The following LDB2 variants were observed in gnomAD, a reference collection of about 807,000 sequenced individuals.
LDB2 encodes the protein LIM domain-binding protein 2.
Under a neutral mutation model 44.3 loss-of-function variants are expected in LDB2, and 12 were observed. The ratio of observed to expected loss-of-function variants is 0.27; its 90% confidence interval spans 0.17 to 0.44. The LOEUF is 0.44. Among genes scored for constraint, LDB2 ranks in the 20% least tolerant of loss-of-function variants. LDB2 has a pLI of 1.00. For synonymous variants in LDB2, 164 were observed against 174.8 expected (o/e 0.94, Z 0.49); for missense variants, 344 against 473.5 (o/e 0.73, Z 2.54).
intron 2 of LDB2, among the ~76,000 whole-genome samples, chr4:16,645,147 A>G (rs924983827): frequency 1.3e-5 from 2 of 152,254 alleles, no homozygotes; most frequent in African/African-American, 4.8e-5. Context: ...TAGGCAAAAG[A>G]TCAAGTCCCG....
chr4:16,891,526 T>C (rs983632919), intron 1 of LDB2, among the ~76,000 whole-genome samples: 1 of 152,142 alleles, frequency 6.6e-6, no homozygotes, highest in Admixed American at 6.5e-5. Flanking sequence ...TTGATCAGGC[T>C]GGTCTTGAAC....
At chr4:16,800,195 A>G (rs1777534378) in intron 1 of LDB2, among the ~76,000 whole-genome samples, 1 of 152,214 alleles carries the variant, frequency 6.6e-6, no homozygotes, top group African/African-American at 2.4e-5. Flanking sequence ...AAAAAGATTC[A>G]AGGGTGTCCT....
At chr4:16,762,714 C>A (rs1339036799) in intron 1 of LDB2, among the ~76,000 whole-genome samples, 1 of 152,128 alleles carries the variant, frequency 6.6e-6, no homozygotes, top group Non-Finnish European at 1.5e-5. Flanking sequence ...GGGGACACAG[C>A]CAAACCATAT....
At chr4:16,659,226 T>G (rs1280506127) in intron 2 of LDB2, among the ~76,000 whole-genome samples, 1 of 152,190 alleles carries the variant, frequency 6.6e-6, no homozygotes, top group African/African-American at 2.4e-5. Flanking sequence ...GAGATGTACT[T>G]GGCAGCTTGA....
At chr4:16,604,270 A>G (rs1268641903) in intron 2 of LDB2, among the ~76,000 whole-genome samples, 1 of 152,136 alleles carries the variant, frequency 6.6e-6, no homozygotes, top group Admixed American at 6.5e-5. Context: ...TAAAACTTGT[A>G]TTTCTATTTG....
intron 5 of LDB2, among the ~76,000 whole-genome samples, chr4:16,514,885 A>ACTC (rs1208571779): frequency 6.6e-6 from 1 of 152,066 alleles, no homozygotes; most frequent in Non-Finnish European, 1.5e-5. Flanking sequence ...CATTATGAAG[A>ACTC]CTCTGTGTGC....
At chr4:16,565,102 A>G (rs1744017118) in intron 5 of LDB2, among the ~76,000 whole-genome samples, 1 of 152,224 alleles carries the variant, frequency 6.6e-6, no homozygotes, top group Admixed American at 6.5e-5. Flanking sequence ...CAAGAAATCT[A>G]TCATGACGAA....
intron 4 of LDB2, 23 bp from the exon 5 acceptor site, chr4:16,586,028 A>T (rs751405072): frequency 1.3e-6 from 2 of 1,582,964 alleles, no homozygotes; most frequent in South Asian, 1.1e-5. Flanking sequence ...AAAACCCCAC[A>T]TGTATTTTAT....
In LDB2 at chr4:16,546,602, A is replaced by G. The variant is rs144157609; in HGVS notation, c.616-34498T>C. ...TACAGCTTGCACATGGTATGACAGC[A>G]CTGGCCACCAGGGTCTTCAGCTCCT... On this transcript the variant is annotated intron_variant, in intron 5 of 7. Coordinates refer to ENST00000304523, the MANE Select transcript of LDB2 (RefSeq NM_001290.5). Among the ~76,000 whole-genome samples the G allele has an allele frequency of 2.0e-5, 3 of 152,322 alleles. No individual in the cohort carries two copies. The East Asian group carries it at 5.8e-4, about 29-fold the overall frequency.
chr4:16,543,796 C>A (rs1405653227), intron 5 of LDB2, among the ~76,000 whole-genome samples: 1 of 152,006 alleles, frequency 6.6e-6, no homozygotes, highest in Non-Finnish European at 1.5e-5. Context: ...TTCTGCACAG[C>A]AAAAGAAACT....
At chr4:16,850,308 A>G (rs185815127) in intron 1 of LDB2, among the ~76,000 whole-genome samples, 2 of 152,234 alleles carry the variant, frequency 1.3e-5, no homozygotes, top group Admixed American at 6.5e-5. Flanking sequence ...CCCACCACCT[A>G]TTAGCTGAAC....
chr4:16,549,937 C>T (rs1001180667), intron 5 of LDB2, among the ~76,000 whole-genome samples: 5 of 152,188 alleles, frequency 3.3e-5, no homozygotes, highest in Non-Finnish European at 7.4e-5. Context: ...AAGTGGTGTG[C>T]AAGTCACCTA....
intron 2 of LDB2, among the ~76,000 whole-genome samples, chr4:16,674,689 A>G (rs1745794066): frequency 6.6e-6 from 1 of 152,152 alleles, no homozygotes; most frequent in Non-Finnish European, 1.5e-5. Flanking sequence ...ATCAGTTGGG[A>G]TCTATGAATA....
chr4:16,570,394 C>T (rs1453284386), intron 5 of LDB2, among the ~76,000 whole-genome samples: 6 of 127,910 alleles, frequency 4.7e-5, no homozygotes, highest in Non-Finnish European at 9.4e-5. Context: ...ACCTGGGAGG[C>T]GGAGCTTGCA....
At chr4:16,531,737 A>G (rs1241178693) in intron 5 of LDB2, among the ~76,000 whole-genome samples, 1 of 152,226 alleles carries the variant, frequency 6.6e-6, no homozygotes, top group Non-Finnish European at 1.5e-5. Flanking sequence ...GAGTGCTGGC[A>G]TGGCTAAATA....
chr4:16,617,243 T>G (rs1032554199), intron 2 of LDB2, among the ~76,000 whole-genome samples: 1 of 151,762 alleles, frequency 6.6e-6, no homozygotes, highest in Admixed American at 6.6e-5. Flanking sequence ...AGGCACTTTA[T>G]AGAAACAAAC....
At chr4:16,879,938 T>C (rs1719563935) in intron 1 of LDB2, among the ~76,000 whole-genome samples, 1 of 152,138 alleles carries the variant, frequency 6.6e-6, no homozygotes, top group African/African-American at 2.4e-5. Flanking sequence ...CTCCTCTTGG[T>C]GTCCAACTCT....
chr4:16,881,135 G>A (rs1030747839), intron 1 of LDB2, among the ~76,000 whole-genome samples: 1 of 152,170 alleles, frequency 6.6e-6, no homozygotes, highest in African/African-American at 2.4e-5. Context: ...AAGACCTTCT[G>A]TAACCTACCT....
chr4:16,777,571 G>A (rs1430964746), intron 1 of LDB2, among the ~76,000 whole-genome samples: 1 of 152,120 alleles, frequency 6.6e-6, no homozygotes, highest in African/African-American at 2.4e-5. Context: ...ACAAGCAATG[G>A]GATATCATAG....
Sources: gnomAD v4.1 joint callset for allele counts (sites outside exome capture counted in the v4.1 genomes callset) on GRCh38, gnomAD v4.1.1 for gene constraint, MANE v1.5 for transcripts, NCBI Gene and HGNC (gene_info 2026-07-23, HGNC 2026-07-21) for gene names.